Variants in SGMS1 observed in about 807,000 individuals in gnomAD.
SGMS1 encodes the protein phosphatidylcholine:ceramide cholinephosphotransferase 1.
A neutral mutation model predicts 46.2 loss-of-function variants in SGMS1; 13 were observed. The ratio of observed to expected loss-of-function variants is 0.28; its 90% CI spans 0.18 to 0.45. The LOEUF (loss-of-function observed/expected upper bound fraction) is 0.45. SGMS1 is among the 20% of genes least tolerant of loss of function. The pLI is 1.00. For synonymous variants in SGMS1, 203 were observed against 187.8 expected (o/e 1.08, Z -0.66); for missense variants, 324 against 519.9 (o/e 0.62, Z 3.66).
At chr10:50,463,894 T>G (rs1188010225) in intron 4 of SGMS1, among the ~76,000 whole-genome samples, 1 of 152,146 alleles carries the variant, frequency 6.6e-6, no homozygotes, top group Non-Finnish European at 1.5e-5. Context: ...CCTGAGGACA[T>G]TATGCAAAGT....
chr10:50,369,491 C>G (rs1178856116), intron 6 of SGMS1, among the ~76,000 whole-genome samples: 1 of 151,644 alleles, frequency 6.6e-6, no homozygotes, highest in African/African-American at 2.4e-5. Context: ...GAGTGAGACT[C>G]TGTCTGAAAA....
At chr10:50,512,494 T>A (rs1385698897) in intron 3 of SGMS1, among the ~76,000 whole-genome samples, 1 of 152,138 alleles carries the variant, frequency 6.6e-6, no homozygotes, top group Non-Finnish European at 1.5e-5. Context: ...ATCAAGGACG[T>A]CAACTCACAT....
At chr10:50,577,931 G>T (rs1318007726) in intron 2 of SGMS1, among the ~76,000 whole-genome samples, 1 of 152,212 alleles carries the variant, frequency 6.6e-6, no homozygotes, top group African/African-American at 2.4e-5. Flanking sequence ...GGCCAGAAAT[G>T]ACCATGTTGG....
chr10:50,401,448 C>A (rs1366071879), intron 6 of SGMS1, among the ~76,000 whole-genome samples: 1 of 152,122 alleles, frequency 6.6e-6, no homozygotes, highest in Non-Finnish European at 1.5e-5. Flanking sequence ...TTACTGGGAT[C>A]CCTCAGTGAG....
chr10:50,314,770 A>G (rs1377337370), intron 8 of SGMS1, among the ~76,000 whole-genome samples: 1 of 152,084 alleles, frequency 6.6e-6, no homozygotes, highest in African/African-American at 2.4e-5. Context: ...AAAATGTAAA[A>G]GTAAGCTGGA....
intron 3 of SGMS1, among the ~76,000 whole-genome samples, chr10:50,502,313 A>AAT (rs1325454581): frequency 1.3e-5 from 2 of 151,028 alleles, no homozygotes; most frequent in Non-Finnish European, 3.0e-5. Context: ...AAAGAAAAAA[A>AAT]AAAAAAAAAA....
chr10:50,529,804 ACT>A (rs747621673), intron 2 of SGMS1, among the ~76,000 whole-genome samples: 1 of 152,194 alleles, frequency 6.6e-6, no homozygotes, highest in South Asian at 2.1e-4. Flanking sequence ...GGAGGGACAG[ACT>A]CTAAACAATT....
chr10:50,564,088 G>A lies in SGMS1; in HGVS notation c.-589+26065C>T, dbSNP rs73318739. On this transcript the variant is annotated intron_variant, in intron 2 of 10. Coordinates refer to ENST00000361781, the MANE Select transcript of SGMS1 (RefSeq NM_147156.4). ...CACCCTTGCACCTAAACACATTCCT[G>A]TGACAGCCACATTAGCACAGACTTT... Among the ~76,000 whole-genome samples, 712 of 152,338 alleles carry A rather than the reference G, an allele frequency of 4.7e-3. 2 individuals are homozygous for A. Among genetic ancestry groups the A allele is most frequent in the African/African-American group, 0.017 (687 of 41,574 alleles).
At chr10:50,406,193 G>A (rs142125797) in intron 6 of SGMS1, among the ~76,000 whole-genome samples, 1 of 152,244 alleles carries the variant, frequency 6.6e-6, no homozygotes, top group African/African-American at 2.4e-5. Flanking sequence ...GGGGATCTGA[G>A]CCCTGTAAGT....
In SGMS1 at chr10:50,485,152, G is replaced by A. The variant is rs145220313; in HGVS notation, c.-497-18220C>T. On this transcript the variant is annotated intron_variant, in intron 3 of 10. Coordinates refer to ENST00000361781, the MANE Select transcript of SGMS1 (RefSeq NM_147156.4). ...GATCCTATATCAAGAAAACCCCATC[G>A]TCTCAGCCCAAAAGCTTCTTAAGCT... 4.7e-3 allele frequency among the ~76,000 whole-genome samples: 713 copies of A among 152,236 alleles called. 4 individuals carry two copies. The highest frequency in any genetic ancestry group is 0.016 in the African/African-American group (664 of 41,548).
At chr10:50,492,615 C>G (rs554767400) in intron 3 of SGMS1, among the ~76,000 whole-genome samples, 1 of 152,170 alleles carries the variant, frequency 6.6e-6, no homozygotes, top group African/African-American at 2.4e-5. Context: ...AAGACCTCTA[C>G]AAAGAGAACT....
chr10:50,614,848 A>T (rs1416144926), intron 1 of SGMS1, among the ~76,000 whole-genome samples: 1 of 152,210 alleles, frequency 6.6e-6, no homozygotes, highest in Non-Finnish European at 1.5e-5. Context: ...TCTTTTTCCT[A>T]CTTTCTTGGG....
chr10:50,412,527 T>C (rs1214316759), intron 6 of SGMS1, among the ~76,000 whole-genome samples: 4 of 152,170 alleles, frequency 2.6e-5, no homozygotes, highest in East Asian at 1.9e-4. Context: ...CACACTGCTA[T>C]AGCTTGCTTG....
chr10:50,527,221 A>C (rs1343245662), intron 2 of SGMS1, among the ~76,000 whole-genome samples: 1 of 152,160 alleles, frequency 6.6e-6, no homozygotes, highest in Non-Finnish European at 1.5e-5. Flanking sequence ...CTGTGGGGAA[A>C]GTCAAAATGA....
In SGMS1 at chr10:50,406,827, C is replaced by T. The variant is rs565855912; in HGVS notation, c.-232+26649G>A. ...TTAAGAGACACTCCCACCTCAGCCT[C>T]CCAGGCAGCTAGGGCTACAGGCATG... On this transcript the variant is annotated intron_variant, in intron 6 of 10. Transcript: ENST00000361781. Among the ~76,000 whole-genome samples the T allele has an allele frequency of 3.9e-5, 6 of 152,130 alleles. No individual in the cohort carries two copies. The South Asian group carries it at 1.2e-3, about 32-fold the overall frequency.
intron 6 of SGMS1, among the ~76,000 whole-genome samples, chr10:50,389,040 T>C (rs763154829): frequency 1.3e-5 from 2 of 152,250 alleles, no homozygotes; most frequent in African/African-American, 2.4e-5. Flanking sequence ...TATGAAATGA[T>C]AGTTTCACTA....
rs148931642 is a variant in SGMS1, at chr10:50,425,767, G to A, written c.-232+7709C>T. On this transcript the variant is annotated intron_variant, in intron 6 of 10. Coordinates refer to ENST00000361781, the MANE Select transcript of SGMS1 (RefSeq NM_147156.4). The stretch of plus-strand genomic sequence containing the variant: ...AAAAACGGAAATTTTTTAAAAAGCC[G>A]TGAATATTTAAACATGTTTTGTAGA... Among the ~76,000 whole-genome samples, 48 of 152,284 alleles carry A rather than the reference G, an allele frequency of 3.2e-4. 1 individual carries two copies. In the East Asian group the frequency reaches 4.4e-3, roughly 14 times the overall value.
chr10:50,495,947 G>T (rs7096280), intron 3 of SGMS1, among the ~76,000 whole-genome samples: 1,942 of 152,256 alleles, frequency 0.013, 35 homozygotes, highest in African/African-American at 0.045. Context: ...GTTGTTTACA[G>T]AGCTTTTTAA....
chr10:50,362,523 A>T (rs1294025403), intron 6 of SGMS1, among the ~76,000 whole-genome samples: 1 of 152,232 alleles, frequency 6.6e-6, no homozygotes, highest in Non-Finnish European at 1.5e-5. Flanking sequence ...CAAGCCAAGA[A>T]ATTAAGGTAA....
Sources: gnomAD v4.1 joint callset for allele counts (sites outside exome capture counted in the v4.1 genomes callset) on GRCh38, gnomAD v4.1.1 for gene constraint, MANE v1.5 for transcripts, NCBI Gene and HGNC (gene_info 2026-07-23, HGNC 2026-07-21) for gene names.